RUBCNL: variants seen among roughly 807,000 people sequenced by gnomAD.
The protein encoded by RUBCNL is protein associated with UVRAG as autophagy enhancer.
RUBCNL carries 62 observed loss-of-function variants against 69.5 expected under a neutral mutation model. That is an observed-to-expected ratio of 0.89 (90% CI 0.73 to 1.10). The LOEUF (loss-of-function observed/expected upper bound fraction) is 1.10, where lower values mean the gene tolerates loss of function less well. Among genes scored for constraint, RUBCNL ranks in the 50% least tolerant of loss-of-function variants. RUBCNL has a pLI of 0.00. For missense variants in RUBCNL, 768 were observed against 798.1 expected (o/e 0.96, Z 0.45); for synonymous variants, 291 against 303.6 (o/e 0.96, Z 0.43).
chr13:46,362,960 A>ATC (rs1401008984), intron 6 of RUBCNL, among the ~76,000 whole-genome samples, 155 bp downstream of exon 6: 35 of 90,188 alleles, frequency 3.9e-4, no homozygotes, highest in East Asian at 2.1e-3. Context: ...ATATATATAT[A>ATC]TATATATATA....
chr13:46,381,068 C>G (rs964014719), intron 1 of RUBCNL, among the ~76,000 whole-genome samples: 1 of 152,116 alleles, frequency 6.6e-6, no homozygotes, highest in Admixed American at 6.5e-5. Context: ...TCCTCAAATA[C>G]TAAATATACA....
At chr13:46,385,570 G>A (rs768381974) in intron 1 of RUBCNL, among the ~76,000 whole-genome samples, 1 of 151,528 alleles carries the variant, frequency 6.6e-6, no homozygotes, top group African/African-American at 2.4e-5. Context: ...ATTTGCCAGT[G>A]CTATTATTTG....
Position 46,350,285 on chromosome 13 carries a change from T to C in RUBCNL, c.1397A>G (p.Tyr466Cys). 6.3e-7 allele frequency: 1 copy of C among 1,583,632 alleles called. No individual in the cohort carries two copies. The highest frequency in any genetic ancestry group is 8.6e-7 in the Non-Finnish European group (1 of 1,164,120). Residue 466 changes from tyrosine (Y) to cysteine (C), a missense_variant, in exon 11 of 15, where the codon TAT becomes TGT. Tyr to Cys is a radical substitution (Grantham distance 194). Transcript: ENST00000429979. The part of the protein sequence containing the change: ...GKYFCDCCHS[Y>C]AESCIPARIL... Reference sequence around the variant, plus strand: ...TCGGGCAGGGATGCACGACTCTGCATATGAGTGGCAGCAGTCACAGAAATA... The same window carrying C: ...TCGGGCAGGGATGCACGACTCTGCACATGAGTGGCAGCAGTCACAGAAATA...
rs796433131 is a variant in RUBCNL, at chr13:46,370,228, G to C, written c.536-1413C>G. Among the ~76,000 whole-genome samples the C allele has an allele frequency of 1.4e-4, 22 of 152,300 alleles. 1 individual carries two copies. The highest frequency in any genetic ancestry group is 5.3e-4 in the African/African-American group (22 of 41,562). On this transcript the variant is annotated intron_variant, in intron 3 of 14. Coordinates refer to ENST00000429979, the MANE Select transcript of RUBCNL (RefSeq NM_025113.5). ...AGCCCTTAAATTGGGATATTTATCA[G>C]GACACTAAGGAGATAAAGGAAGGTG... is the stretch of plus-strand genomic sequence containing the variant.
chr13:46,361,494 G>C lies in RUBCNL; in HGVS notation c.1066C>G (p.Leu356Val). The change falls in exon 8 of 15, where the codon CTG (leucine) becomes GTG (valine). Residue 356 changes from leucine to valine, a missense_variant. Coordinates refer to ENST00000429979, the MANE Select transcript of RUBCNL (RefSeq NM_025113.5). ...LYRVFQKCWI[L>V]SVVNSQLAGS... ...GCCAGCTGAGAATTAACTACTGACA[G>C]TATCCAGCACTTCTGGAACACGCGG... The C allele has an allele frequency of 1.2e-6, 2 of 1,613,928 alleles. No individual in the cohort carries two copies. The highest frequency in any genetic ancestry group is 1.7e-6 in the Non-Finnish European group (2 of 1,179,830).
chr13:46,376,791 T>C (rs1049608252), intron 2 of RUBCNL, among the ~76,000 whole-genome samples: 1 of 152,252 alleles, frequency 6.6e-6, no homozygotes, highest in African/African-American at 2.4e-5. Flanking sequence ...GAAGATATGT[T>C]TTCTTTTGTA....
At chr13:46,371,816 G>A in intron 3 of RUBCNL, 125 bp downstream of exon 3, 1 of 961,116 alleles carries the variant, frequency 1.0e-6, no homozygotes, top group Non-Finnish European at 1.5e-6. Flanking sequence ...AGATGGCTGG[G>A]CTGCTGACAA....
Position 46,337,762 on chromosome 13 carries a change from C to A in RUBCNL, c.*5623G>T, listed in dbSNP as rs994627872. On this transcript the variant is annotated 3_prime_UTR_variant, in exon 15 of 15. Coordinates refer to ENST00000429979, the MANE Select transcript of RUBCNL (RefSeq NM_025113.5). ...GGTTACACTGTAGGAACCAGCCCCA[C>A]AAAAATCTCAGGAACTGAACAAAAT... 6.6e-6 allele frequency among the ~76,000 whole-genome samples: 1 copy of A among 152,108 alleles called. No individual in the cohort carries two copies. Among genetic ancestry groups the A allele is most frequent in the Non-Finnish European group, 1.5e-5 (1 of 68,020 alleles).
chr13:46,364,789 C>T (rs1303707256), intron 5 of RUBCNL, among the ~76,000 whole-genome samples: 2 of 150,636 alleles, frequency 1.3e-5, no homozygotes, highest in Non-Finnish European at 2.9e-5. Flanking sequence ...CCACAAATGT[C>T]ACAAAAGAAG....
Position 46,383,461 on chromosome 13 carries a change from T to C in RUBCNL, c.-239+3673A>G, listed in dbSNP as rs374861683. 2.2e-3 allele frequency among the ~76,000 whole-genome samples: 337 copies of C among 152,356 alleles called. 4 individuals are homozygous for C. Among genetic ancestry groups the C allele is most frequent in the South Asian group, 0.012 (57 of 4,830 alleles). On this transcript the variant is annotated intron_variant, in intron 1 of 14. Coordinates refer to ENST00000429979, the MANE Select transcript of RUBCNL (RefSeq NM_025113.5). ...CTTCTGACACCTTCCTCCTCATCAA[T>C]TCATAACTAATGCTTATATGACATT... is the stretch of plus-strand genomic sequence containing the variant.
At chr13:46,347,862 G>A (rs562060861) in intron 12 of RUBCNL, among the ~76,000 whole-genome samples, 15 of 152,138 alleles carry the variant, frequency 9.9e-5, no homozygotes, top group East Asian at 3.9e-4. Context: ...ATGTGGTTGC[G>A]GGCGCCTGTA....
At chr13:46,367,119 G>A (rs1014362103) in intron 5 of RUBCNL, among the ~76,000 whole-genome samples, 3 of 152,182 alleles carry the variant, frequency 2.0e-5, no homozygotes, top group African/African-American at 4.8e-5. Flanking sequence ...ATGAGCTATC[G>A]GCTTAGGCAC....
chr13:46,344,932 G>A (rs796218987), intron 13 of RUBCNL, 101 bp from the exon 14 acceptor site: 1 of 730,088 alleles, frequency 1.4e-6, no homozygotes, highest in Non-Finnish European at 2.3e-6. Flanking sequence ...CAGTGTCTAT[G>A]ATTCCAGCCT....
chr13:46,341,041 G>A lies in RUBCNL; in HGVS notation c.*2344C>T, dbSNP rs534425309. 6.6e-6 allele frequency among the ~76,000 whole-genome samples: 1 copy of A among 152,216 alleles called. No homozygotes were observed. The highest frequency in any genetic ancestry group is 6.5e-5 in the Admixed American group (1 of 15,284). On this transcript the variant is annotated 3_prime_UTR_variant, in exon 15 of 15. Transcript: ENST00000429979. ...GTTGTGGCCAATAATTCTCACCCAG[G>A]TCAACACACCAGACATCTTTGGGAT... is the stretch of plus-strand genomic sequence containing the variant.
At chr13:46,385,046 C>T (rs947293472) in intron 1 of RUBCNL, among the ~76,000 whole-genome samples, 3 of 152,170 alleles carry the variant, frequency 2.0e-5, no homozygotes, top group Non-Finnish European at 2.9e-5. Flanking sequence ...ATAATTTTAA[C>T]GCCAATCTGA....
At chr13:46,387,925 T>C, upstream of RUBCNL, 1 of 904,310 alleles carries the variant, frequency 1.1e-6, no homozygotes, top group Non-Finnish European at 1.3e-6. Context: ...ACCTAAGCTC[T>C]GGCCGGGTGC....
At chr13:46,385,101 C>T (rs2049208469) in intron 1 of RUBCNL, among the ~76,000 whole-genome samples, 1 of 152,176 alleles carries the variant, frequency 6.6e-6, no homozygotes, top group Admixed American at 6.6e-5. Flanking sequence ...ATGCTCTTAA[C>T]CTCCCCCATG....
intron 1 of RUBCNL, among the ~76,000 whole-genome samples, chr13:46,386,188 A>T (rs553297845): frequency 6.6e-6 from 1 of 152,180 alleles, no homozygotes; most frequent in South Asian, 2.1e-4. Flanking sequence ...TCTAAACCAC[A>T]CAGTGGGGTA....
chr13:46,337,933 T>G lies in RUBCNL; in HGVS notation c.*5452A>C, dbSNP rs2048114466. 6.6e-6 allele frequency among the ~76,000 whole-genome samples: 1 copy of G among 152,158 alleles called. No homozygotes were observed. The highest frequency in any genetic ancestry group is 1.5e-5 in the Non-Finnish European group (1 of 68,032). ...GCAGGAGCAAAGGGAGAATAAAGTC[T>G]CTCTCATAGCTTCCAAGAGACTTTC... is the stretch of plus-strand genomic sequence containing the variant. On this transcript the variant is annotated 3_prime_UTR_variant, in exon 15 of 15. Coordinates refer to ENST00000429979, the MANE Select transcript of RUBCNL (RefSeq NM_025113.5).
Sources: allele counts gnomAD v4.1 joint callset (sites outside exome capture counted in the v4.1 genomes callset), GRCh38; gene constraint gnomAD v4.1.1; transcripts MANE v1.5; gene names NCBI Gene and HGNC (gene_info 2026-07-23, HGNC 2026-07-21).